Variants in BRD10 observed in about 807,000 individuals in gnomAD.
BRD10 encodes uncharacterized bromodomain-containing protein 10.
the BRD10 span, among the ~76,000 whole-genome samples, chr9:5,895,908 C>A: frequency 6.6e-6 from 1 of 152,222 alleles, no homozygotes; most frequent in Non-Finnish European, 1.5e-5. Context: ...TGTAACAGAG[C>A]TCTGACTGTG....
the BRD10 span, chr9:6,007,547 G>A: frequency 6.2e-7 from 1 of 1,613,054 alleles, no homozygotes; most frequent in Non-Finnish European, 8.5e-7. Flanking sequence ...CGGTAGCCCT[G>A]CTGTAGCTCG....
At chr9:6,007,364 T>G in the BRD10 span, 1 of 1,613,304 alleles carries the variant, frequency 6.2e-7, no homozygotes, top group Non-Finnish European at 8.5e-7. Flanking sequence ...TTCTCTTCCA[T>G]CTGCAGCAGA....
the BRD10 span, among the ~76,000 whole-genome samples, chr9:5,999,078 T>C: frequency 2.5e-4 from 38 of 152,150 alleles, no homozygotes; most frequent in Admixed American, 9.2e-4. Context: ...TGTCAATATG[T>C]TTATAATTTA....
chr9:5,969,040 C>T, the BRD10 span: 6 of 1,612,196 alleles, frequency 3.7e-6, no homozygotes, highest in Non-Finnish European at 5.1e-6. Flanking sequence ...GACACAACCC[C>T]AGTTTTTCAG....
the BRD10 span, among the ~76,000 whole-genome samples, chr9:5,952,801 G>C: frequency 2.0e-5 from 3 of 152,146 alleles, no homozygotes; most frequent in African/African-American, 4.8e-5. Flanking sequence ...CAGTGGACGC[G>C]TGATGATGTA....
chr9:5,883,265 A>G, the BRD10 span, among the ~76,000 whole-genome samples: 3 of 152,292 alleles, frequency 2.0e-5, no homozygotes, highest in Middle Eastern at 6.8e-3. Context: ...CTAAATAAAC[A>G]TCTTTTGTTT....
chr9:5,988,276 C>G, the BRD10 span: 1 of 1,128,268 alleles, frequency 8.9e-7, no homozygotes, highest in East Asian at 2.3e-5. Context: ...CTAAAATGGG[C>G]CCAGAAATCT....
chr9:5,951,100 T>C, the BRD10 span, among the ~76,000 whole-genome samples: 1 of 144,206 alleles, frequency 6.9e-6, no homozygotes, highest in African/African-American at 2.5e-5. Flanking sequence ...CTGCCACACA[T>C]ACAAATCCAA....
the BRD10 span, among the ~76,000 whole-genome samples, chr9:5,981,550 T>TG: frequency 2.1e-4 from 29 of 139,434 alleles, no homozygotes; most frequent in African/African-American, 9.0e-4. Context: ...AGACCTGGAC[T>TG]ATCTATCTAT....
chr9:5,956,781 A>C, the BRD10 span, among the ~76,000 whole-genome samples: 16 of 152,262 alleles, frequency 1.1e-4, no homozygotes, highest in Admixed American at 9.8e-4. Context: ...TGAATGTAAT[A>C]CTTAACTTAG....
the BRD10 span, chr9:5,945,061 T>G: frequency 2.0e-6 from 1 of 499,474 alleles, no homozygotes; most frequent in Non-Finnish European, 3.5e-6. Context: ...TCACAATTAT[T>G]TTTCTCTGTA....
chr9:5,929,693 T>TAC, the BRD10 span, among the ~76,000 whole-genome samples: 2 of 152,188 alleles, frequency 1.3e-5, no homozygotes, highest in Non-Finnish European at 1.5e-5. Flanking sequence ...CCTAATGCTA[T>TAC]ACTAAGAGTT....
the BRD10 span, among the ~76,000 whole-genome samples, chr9:5,934,275 AT>A: frequency 6.6e-6 from 1 of 151,704 alleles, no homozygotes; most frequent in African/African-American, 2.4e-5. Context: ...AGCACAGAAC[AT>A]TTTTTGTTAC....
At chr9:5,901,100 C>T in the BRD10 span, among the ~76,000 whole-genome samples, 15,351 of 151,588 alleles carry the variant, frequency 0.1, 988 homozygotes, top group Middle Eastern at 0.14. Flanking sequence ...TAGAGTGGAT[C>T]ATACTCTTAA....
the BRD10 span, among the ~76,000 whole-genome samples, chr9:5,893,674 A>G: frequency 3.9e-5 from 6 of 152,206 alleles, no homozygotes; most frequent in African/African-American, 4.8e-5. Context: ...ATCACTCAAC[A>G]GACTCTTTAA....
the BRD10 span, among the ~76,000 whole-genome samples, chr9:5,957,929 T>A: frequency 6.6e-6 from 1 of 152,150 alleles, no homozygotes. Context: ...CCCTTATCAC[T>A]CAACTTGATC....
the BRD10 span, chr9:5,892,303 A>G: frequency 2.3e-6 from 1 of 440,760 alleles, no homozygotes; most frequent in Non-Finnish European, 3.9e-6. Context: ...TGAAAGAAGC[A>G]GGTGCAAATC....
chr9:5,911,159 C>A, the BRD10 span, among the ~76,000 whole-genome samples: 7 of 152,160 alleles, frequency 4.6e-5, no homozygotes, highest in South Asian at 2.1e-4. Flanking sequence ...TTTCTTTTAG[C>A]AGTTTCATAA....
At chr9:5,940,275 C>A in the BRD10 span, among the ~76,000 whole-genome samples, 1 of 152,134 alleles carries the variant, frequency 6.6e-6, no homozygotes, top group Non-Finnish European at 1.5e-5. Flanking sequence ...CTCACTGCAG[C>A]CTCTGCCTCC....
Sources: allele counts gnomAD v4.1 joint callset (sites outside exome capture counted in the v4.1 genomes callset), GRCh38; gene constraint gnomAD v4.1.1; transcripts MANE v1.5; gene names NCBI Gene and HGNC (gene_info 2026-07-23, HGNC 2026-07-21).